The following FANCC variants were observed in gnomAD, a reference collection of about 807,000 sequenced individuals.
FANCC encodes FA complementation group C.
A neutral mutation model predicts 71.3 loss-of-function variants in FANCC; 55 were observed. The observed-to-expected ratio is 0.77, with a 90% CI of 0.62 to 0.97. The LOEUF (loss-of-function observed/expected upper bound fraction) is 0.97, where lower values mean the gene tolerates loss of function less well. Among genes scored for constraint, FANCC ranks in the 50% least tolerant of loss-of-function variants. FANCC has a pLI of 0.00. For synonymous variants in FANCC, 275 were observed against 244.9 expected (o/e 1.12, Z -1.15); for missense variants, 678 against 670.9 (o/e 1.01, Z -0.12).
chr9:95,177,411 A>G (rs1826077753), intron 4 of FANCC, among the ~76,000 whole-genome samples: 1 of 152,186 alleles, frequency 6.6e-6, no homozygotes, highest in African/African-American at 2.4e-5. Context: ...GGCCGAAGAC[A>G]TGACTCTGCA....
intron 1 of FANCC, among the ~76,000 whole-genome samples, chr9:95,304,610 C>A (rs765678243): frequency 6.7e-6 from 1 of 150,230 alleles, no homozygotes. Flanking sequence ...AATAGGTGGG[C>A]GTGGTGGCGA....
intron 1 of FANCC, among the ~76,000 whole-genome samples, chr9:95,253,287 C>T (rs923446805): frequency 6.6e-6 from 1 of 152,090 alleles, no homozygotes. Context: ...CCTGTGCCAT[C>T]GGCCACATGT....
At chr9:95,104,304 G>A (rs1375962872) in intron 14 of FANCC, among the ~76,000 whole-genome samples, 1 of 152,328 alleles carries the variant, frequency 6.6e-6, no homozygotes, top group East Asian at 1.9e-4. Context: ...ACCACGATGG[G>A]TGCCCAGATG....
chr9:95,137,131 C>T (rs1939366316), intron 7 of FANCC, among the ~76,000 whole-genome samples: 1 of 152,232 alleles, frequency 6.6e-6, no homozygotes, highest in Non-Finnish European at 1.5e-5. Context: ...CCCAACAACC[C>T]CTTCAAGGCC....
In FANCC at chr9:95,213,988, G is replaced by A. The variant is rs541579808; in HGVS notation, c.345+26661C>T. Among the ~76,000 whole-genome samples the A allele has an allele frequency of 2.0e-5, 3 of 152,288 alleles. No individual in the cohort carries two copies. In the South Asian group the frequency reaches 6.2e-4, roughly 32 times the overall value. ...AACACAACTGAAAAACAGATGGACT[G>A]AACAGGCATTTCTCCAAACATGACA... On this transcript the variant is annotated intron_variant, in intron 4 of 14. Transcript: ENST00000289081.
chr9:95,240,788 C>T (rs1404632392), intron 3 of FANCC, 45 bp from the exon 4 acceptor site: 2 of 1,146,518 alleles, frequency 1.7e-6, no homozygotes, highest in Non-Finnish European at 2.6e-6. Flanking sequence ...CAGAAAAAAT[C>T]ATTAATATAA....
intron 4 of FANCC, among the ~76,000 whole-genome samples, chr9:95,231,933 G>A (rs746848501): frequency 9.2e-5 from 14 of 152,090 alleles, no homozygotes; most frequent in Non-Finnish European, 1.6e-4. Context: ...GTCCATTCTC[G>A]CATTGCTATA....
At chr9:95,223,794 T>C (rs926113947) in intron 4 of FANCC, among the ~76,000 whole-genome samples, 2 of 152,038 alleles carry the variant, frequency 1.3e-5, no homozygotes, top group Non-Finnish European at 2.9e-5. Context: ...CTGACCAACA[T>C]GGAGAAACCC....
chr9:95,263,365 CA>C (rs1338240382), intron 1 of FANCC, among the ~76,000 whole-genome samples: 1 of 152,028 alleles, frequency 6.6e-6, no homozygotes, highest in Non-Finnish European at 1.5e-5. Flanking sequence ...CCGCCAGTGC[CA>C]GGGGTGAATC....
At chr9:95,211,037 T>A (rs1200475880) in intron 4 of FANCC, among the ~76,000 whole-genome samples, 1 of 152,218 alleles carries the variant, frequency 6.6e-6, no homozygotes, top group Admixed American at 6.5e-5. Context: ...CCAGTTGTCT[T>A]CAGGACTTCT....
chr9:95,261,147 AT>A (rs1203225693), intron 1 of FANCC, among the ~76,000 whole-genome samples: 1 of 152,258 alleles, frequency 6.6e-6, no homozygotes, highest in Non-Finnish European at 1.5e-5. Context: ...AAGCAGACAT[AT>A]AAGGTGGCTT....
chr9:95,253,933 A>G (rs776258978), intron 1 of FANCC, among the ~76,000 whole-genome samples: 3 of 152,222 alleles, frequency 2.0e-5, no homozygotes, highest in Non-Finnish European at 4.4e-5. Flanking sequence ...TCATGCCCCT[A>G]TGAGAATCTA....
At chr9:95,190,132 C>T (rs1826992121) in intron 4 of FANCC, among the ~76,000 whole-genome samples, 1 of 152,130 alleles carries the variant, frequency 6.6e-6, no homozygotes. Flanking sequence ...TCACCACCAA[C>T]CAATTTAACC....
At chr9:95,237,983 A>C (rs1033527801) in intron 4 of FANCC, among the ~76,000 whole-genome samples, 8 of 152,220 alleles carry the variant, frequency 5.3e-5, no homozygotes, top group Non-Finnish European at 1.2e-4. Context: ...TGGAAAGTTT[A>C]CCATTATCTA....
chr9:95,248,176 C>T (rs1466175503), intron 2 of FANCC, among the ~76,000 whole-genome samples: 1 of 152,170 alleles, frequency 6.6e-6, no homozygotes, highest in African/African-American at 2.4e-5. Context: ...TACAACCGGA[C>T]CTTTTTCCAC....
chr9:95,145,619 T>G (rs1361417818), intron 7 of FANCC: 1 of 152,096 alleles, frequency 6.6e-6, no homozygotes, highest in African/African-American at 2.4e-5. Flanking sequence ...TCAAAGGGAA[T>G]GATCCTTATT....
chr9:95,280,016 A>T (rs1020736944), intron 1 of FANCC, among the ~76,000 whole-genome samples: 34 of 151,962 alleles, frequency 2.2e-4, no homozygotes, highest in African/African-American at 8.2e-4. Context: ...AGAAAACATG[A>T]TCTAACTATA....
Position 95,192,692 on chromosome 9 carries a change from T to C in FANCC, c.346-20545A>G, listed in dbSNP as rs141495749. On this transcript the variant is annotated intron_variant, in intron 4 of 14. Transcript: ENST00000289081. ...AAGCAACAGAAAAAGATTACAGAAATTTCAGAGACATAAAGGTATAGTCAA... is the reference window on the plus strand; with the variant it reads ...AAGCAACAGAAAAAGATTACAGAAACTTCAGAGACATAAAGGTATAGTCAA... Among the ~76,000 whole-genome samples, 20 of 152,304 alleles carry C rather than the reference T, an allele frequency of 1.3e-4. No individual in the cohort carries two copies. The East Asian group carries it at 3.3e-3, about 25-fold the overall frequency.
rs1060504646 is a variant in FANCC at position 95,135,406 on chromosome 9, T to A, written c.783A>T (p.Leu261=). 8 of 1,613,944 alleles carry A rather than the reference T, an allele frequency of 5.0e-6. No individual in the cohort carries two copies. The highest frequency in any genetic ancestry group is 1.6e-4 in the Middle Eastern group (1 of 6,084). ...EKAMLHLFEK[L]ISSERNCLRR... The stretch of plus-strand genomic sequence containing the variant: ...TCAGACAATTTCTCTCACTGGAGAT[T>A]AGCTTTTCAAAAAGATGCAGCATTG... Residue 261 remains leucine (L), a synonymous_variant, in exon 8 of 15, where the codon CTA becomes CTT. Transcript: ENST00000289081.
Sources: gnomAD v4.1 joint callset for allele counts (sites outside exome capture counted in the v4.1 genomes callset) on GRCh38, gnomAD v4.1.1 for gene constraint, MANE v1.5 for transcripts, NCBI Gene and HGNC (gene_info 2026-07-23, HGNC 2026-07-21) for gene names.